Variants in PTPRE observed in about 807,000 individuals in gnomAD.
PTPRE encodes receptor-type tyrosine-protein phosphatase epsilon.
In PTPRE, 51 loss-of-function variants were observed where a neutral mutation model predicts 102.0. That is an observed-to-expected ratio of 0.50 (90% CI 0.40 to 0.63). The LOEUF is 0.63. Among genes scored for constraint, PTPRE ranks in the 30% least tolerant of loss-of-function variants. The pLI, the probability that PTPRE is intolerant of heterozygous loss-of-function variation, is 0.00. For missense variants in PTPRE, 752 were observed against 915.1 expected (o/e 0.82, Z 2.30); for synonymous variants, 345 against 348.2 (o/e 0.99, Z 0.10).
chr10:127,962,113 T>A (rs1849865789), intron 1 of PTPRE, among the ~76,000 whole-genome samples: 1 of 152,198 alleles, frequency 6.6e-6, no homozygotes, highest in African/African-American at 2.4e-5. Flanking sequence ...GTAAGTATTC[T>A]GTTCTTCTTC....
intron 7 of PTPRE, 86 bp downstream of exon 7, chr10:128,056,299 A>G (rs1474988620): frequency 1.9e-5 from 21 of 1,124,476 alleles, no homozygotes; most frequent in Non-Finnish European, 2.8e-5. Context: ...ACTGCAGGCC[A>G]TTCCTGGTGC....
chr10:127,931,961 A>G (rs932355024), intron 1 of PTPRE, among the ~76,000 whole-genome samples: 8 of 152,160 alleles, frequency 5.3e-5, no homozygotes, highest in Admixed American at 1.3e-4. Flanking sequence ...ACCCTTTTAT[A>G]TGGTCAGCCA....
intron 1 of PTPRE, among the ~76,000 whole-genome samples, chr10:127,971,032 G>C (rs1359164670): frequency 6.6e-6 from 1 of 152,114 alleles, no homozygotes; most frequent in Non-Finnish European, 1.5e-5. Context: ...GGCAGACCCA[G>C]GAAGGTGCTC....
At chr10:128,054,643 G>T (rs1848808060) in intron 6 of PTPRE, among the ~76,000 whole-genome samples, 1 of 151,666 alleles carries the variant, frequency 6.6e-6, no homozygotes, top group Non-Finnish European at 1.5e-5. Context: ...TGGCCATGGG[G>T]TTTGGTGGCC....
At chr10:127,919,380 T>C (rs552952196) in intron 1 of PTPRE, among the ~76,000 whole-genome samples, 3 of 152,342 alleles carry the variant, frequency 2.0e-5, no homozygotes, top group Admixed American at 6.5e-5. Context: ...TCCATCTCCT[T>C]ATTTAGAGCC....
Position 128,085,351 on chromosome 10 carries a change from C to T in PTPRE, c.*2445C>T. On this transcript the variant is annotated 3_prime_UTR_variant, in exon 21 of 21. Coordinates refer to ENST00000254667, the MANE Select transcript of PTPRE (RefSeq NM_006504.6). The stretch of plus-strand genomic sequence containing the variant: ...AAAACAGCCCCCAAACAGCCCAGTG[C>T]CGACACCATTGTTCCTTTCACACTT... 1.5e-5 allele frequency: 4 copies of T among 266,912 alleles called. No homozygotes were observed. The highest frequency in any genetic ancestry group is 3.1e-5 in the Non-Finnish European group (4 of 129,068). 16.5% of individuals were successfully genotyped at this position (266,912 alleles called of 1,614,324 possible).
intron 2 of PTPRE, among the ~76,000 whole-genome samples, chr10:128,033,087 A>G (rs1846909162): frequency 6.6e-6 from 1 of 152,242 alleles, no homozygotes; most frequent in African/African-American, 2.4e-5. Flanking sequence ...AGCCAGGAAG[A>G]AATAAAAAGC....
At chr10:127,988,078 C>G (rs1852256721) in intron 2 of PTPRE, among the ~76,000 whole-genome samples, 1 of 152,206 alleles carries the variant, frequency 6.6e-6, no homozygotes, top group Non-Finnish European at 1.5e-5. Flanking sequence ...TGTATAAATG[C>G]TTTTGGGTGT....
Position 127,933,486 on chromosome 10 carries a change from C to T in PTPRE, c.-31+26177C>T, listed in dbSNP as rs186471984. Among the ~76,000 whole-genome samples the T allele has an allele frequency of 1.3e-3, 191 of 152,242 alleles. 3 individuals are homozygous for T. The highest frequency in any genetic ancestry group is 3.4e-3 in the Middle Eastern group (1 of 294). On this transcript the variant is annotated intron_variant, in intron 1 of 20. Transcript: ENST00000254667. ...CCTGAAAACATAACAGCATGCCACGCGTTCTGGATGAAAATGAGGAACTGT... is the reference window on the plus strand; with the variant it reads ...CCTGAAAACATAACAGCATGCCACGTGTTCTGGATGAAAATGAGGAACTGT...
chr10:127,952,440 C>T (rs1414954084), intron 1 of PTPRE, among the ~76,000 whole-genome samples: 1 of 151,376 alleles, frequency 6.6e-6, no homozygotes, highest in Non-Finnish European at 1.5e-5. Context: ...TCTTATCAGC[C>T]TGCCCAGCTA....
intron 5 of PTPRE, among the ~76,000 whole-genome samples, chr10:128,049,214 G>T (rs531054858): frequency 2.6e-5 from 4 of 152,152 alleles, no homozygotes; most frequent in Admixed American, 2.6e-4. Context: ...AGGAGCAGGG[G>T]CTGGAGGGAA....
intron 15 of PTPRE, 91 bp from the exon 16 acceptor site, chr10:128,072,047 G>T (rs564963454): frequency 1.6e-5 from 15 of 937,838 alleles, no homozygotes; most frequent in Non-Finnish European, 2.1e-5. Flanking sequence ...TTTATTAATA[G>T]GATCTATATT....
Position 127,946,547 on chromosome 10 carries a change from G to A in PTPRE, c.-30-35727G>A, listed in dbSNP as rs185988555. On this transcript the variant is annotated intron_variant, in intron 1 of 20. Transcript: ENST00000254667. ...ATTCATCAGACCTCGCAGGCTGGCA[G>A]GGAGGGATTTCCACCCCGCATTGGT... Among the ~76,000 whole-genome samples the A allele has an allele frequency of 3.4e-4, 51 of 151,466 alleles. 5 individuals carry two copies. Among genetic ancestry groups the A allele is most frequent in the Middle Eastern group, 3.4e-3 (1 of 294 alleles).
At chr10:128,003,686 C>A (rs181697597) in intron 2 of PTPRE, among the ~76,000 whole-genome samples, 3 of 152,236 alleles carry the variant, frequency 2.0e-5, no homozygotes, top group East Asian at 1.9e-4. Context: ...TAAAGAAATG[C>A]GCCCCAACTT....
intron 2 of PTPRE, among the ~76,000 whole-genome samples, chr10:128,017,934 C>T (rs569825766): frequency 6.6e-6 from 1 of 152,250 alleles, no homozygotes; most frequent in Non-Finnish European, 1.5e-5. Flanking sequence ...ACTCGGGCAT[C>T]CTGCATGCTT....
chr10:127,974,753 C>T (rs978145999), intron 1 of PTPRE, among the ~76,000 whole-genome samples: 3 of 152,162 alleles, frequency 2.0e-5, no homozygotes, highest in African/African-American at 7.2e-5. Context: ...ATGCACAGAA[C>T]TTTTCATATA....
chr10:128,061,643 T>C (rs1315469294), intron 8 of PTPRE, 36 bp from the exon 9 acceptor site: 1 of 1,571,444 alleles, frequency 6.4e-7, no homozygotes, highest in Non-Finnish European at 8.6e-7. Flanking sequence ...CAAAGATAAT[T>C]CTGAAAAAAT....
At chr10:127,987,139 C>T (rs1337247806) in intron 2 of PTPRE, 1 of 170,066 alleles carries the variant, frequency 5.9e-6, no homozygotes, top group South Asian at 1.9e-4. Context: ...CACATTCTTT[C>T]AAGAAGTGCC....
rs1469943565 is a variant in PTPRE at position 128,084,128 on chromosome 10, A to AT, written c.*1224dup. ...AGTAATGATCCCATTACCAGATAAG[A>AT]TTGACTGACGGGGAAAAAAAAAAAA... On this transcript the variant is annotated 3_prime_UTR_variant, in exon 21 of 21. Transcript: ENST00000254667. 1 of 133,992 alleles carries AT rather than the reference A, an allele frequency of 7.5e-6. No individual in the cohort carries two copies. The highest frequency in any genetic ancestry group is 1.6e-5 in the Non-Finnish European group (1 of 64,000). The allele number at this position is 133,992 out of a possible 1,614,324, so 8.3% of individuals were successfully genotyped here.
Sources: allele counts gnomAD v4.1 joint callset (sites outside exome capture counted in the v4.1 genomes callset), GRCh38; gene constraint gnomAD v4.1.1; transcripts MANE v1.5; gene names NCBI Gene and HGNC (gene_info 2026-07-23, HGNC 2026-07-21).